PTCD1: variants seen among roughly 807,000 people sequenced by gnomAD.
PTCD1 encodes the protein pentatricopeptide repeat domain 1.
Under a neutral mutation model 53.4 loss-of-function variants are expected in PTCD1, and 50 were observed. The ratio of observed to expected loss-of-function variants is 0.94; its 90% CI spans 0.75 to 1.19. The LOEUF is 1.19. Among genes scored for constraint, PTCD1 ranks in the 50% most tolerant of loss-of-function variants. The pLI, the probability that PTCD1 is intolerant of heterozygous loss-of-function variation, is 0.00. For synonymous variants in PTCD1, 413 were observed against 394.8 expected, an observed-to-expected ratio of 1.05 and a Z score of -0.55; for missense variants, 918 against 904.8, an observed-to-expected ratio of 1.01 and a Z score of -0.19.
chr7:99,429,342 C>T, intron 4 of PTCD1, 138 bp from the exon 5 acceptor site: 2 of 1,215,910 alleles, frequency 1.6e-6, no homozygotes, highest in Non-Finnish European at 2.4e-6. Flanking sequence ...CCAGCCTGGG[C>T]AACATAGCAA....
intron 1 of PTCD1, among the ~76,000 whole-genome samples, chr7:99,437,088 A>G (rs1225939063): frequency 6.6e-6 from 1 of 151,850 alleles, no homozygotes; most frequent in East Asian, 1.9e-4. Flanking sequence ...CTGGTCTAGA[A>G]CTCCTGGCCT....
chr7:99,438,392 G>A (rs1303193739), intron 1 of PTCD1, among the ~76,000 whole-genome samples: 1 of 152,092 alleles, frequency 6.6e-6, no homozygotes, highest in East Asian at 1.9e-4. Context: ...GCTTGAGTCT[G>A]AGAAGTTGAC....
At chr7:99,421,621 G>A (rs1028106995) in intron 7 of PTCD1, among the ~76,000 whole-genome samples, 2 of 151,220 alleles carry the variant, frequency 1.3e-5, no homozygotes, top group Non-Finnish European at 2.9e-5. Context: ...CTGGTGTGGT[G>A]GCAGGCTCCT....
intron 1 of PTCD1, 28 bp downstream of exon 1, chr7:99,438,664 C>A: frequency 4.0e-6 from 5 of 1,247,580 alleles, no homozygotes; most frequent in Non-Finnish European, 4.1e-6. Context: ...GGTCCCGGGG[C>A]TCCTGCGAGG....
intron 7 of PTCD1, among the ~76,000 whole-genome samples, chr7:99,423,557 CAG>C (rs2150948343): frequency 6.6e-6 from 1 of 152,296 alleles, no homozygotes; most frequent in Non-Finnish European, 1.5e-5. Flanking sequence ...CTGGGACAGA[CAG>C]AGAAAGCAAA....
At chr7:99,428,009 T>C (rs11982726) in intron 5 of PTCD1, among the ~76,000 whole-genome samples, 28,920 of 149,464 alleles carry the variant, frequency 0.19, 4,967 homozygotes, top group African/African-American at 0.47. Context: ...CCAGAGACCT[T>C]TGTTCACTTG....
chr7:99,419,697 C>A lies in PTCD1; in HGVS notation c.*270G>T, dbSNP rs907346332. ...GGCCCCAGGGACCAGATGCCCCAGC[C>A]CCCTTGTGGTGTGTGAGGTGACACA... is the stretch of plus-strand genomic sequence containing the variant. On this transcript the variant is annotated 3_prime_UTR_variant, in exon 8 of 8. Transcript: ENST00000292478. 2.9e-6 allele frequency: 2 copies of A among 691,662 alleles called. No individual in the cohort carries two copies. Among genetic ancestry groups the A allele is most frequent in the African/African-American group, 3.6e-5 (2 of 55,570 alleles). 42.8% of individuals were successfully genotyped at this position (691,662 alleles called of 1,614,324 possible). A position where few individuals can be genotyped will look rare whatever the true frequency, so the allele number is the denominator to read the frequency against.
At chr7:99,424,681 T>C (rs1795949000) in intron 6 of PTCD1, 114 bp downstream of exon 6, 1 of 1,395,654 alleles carries the variant, frequency 7.2e-7, no homozygotes, top group Non-Finnish European at 9.8e-7. Context: ...CTTTGCCCCA[T>C]GCACAGTTCA....
In PTCD1 at chr7:99,416,794, C is replaced by G. The variant is rs1462317429; in HGVS notation, c.*3173G>C. ...GGAGTGCAGTGGTGCAATGATGGCTCACTGCAGCCTCAACCTTCTGGGCTC... is the reference window on the plus strand; with the variant it reads ...GGAGTGCAGTGGTGCAATGATGGCTGACTGCAGCCTCAACCTTCTGGGCTC... On this transcript the variant is annotated 3_prime_UTR_variant, in exon 8 of 8. Coordinates refer to ENST00000292478, the MANE Select transcript of PTCD1 (RefSeq NM_015545.4). The G allele has an allele frequency of 6.6e-6, 1 of 150,384 alleles. No homozygotes were observed. The highest frequency in any genetic ancestry group is 1.4e-5 in the Non-Finnish European group (1 of 70,908). The allele number at this position is 150,384 out of a possible 1,614,324, so 9.3% of individuals were successfully genotyped here.
rs974363900 is a variant in PTCD1, at chr7:99,425,282, T to C, written c.1250A>G (p.Lys417Arg). The C allele has an allele frequency of 9.3e-6, 15 of 1,613,822 alleles. No homozygotes were observed. In the African/African-American group the frequency reaches 2.0e-4, roughly 22 times the overall value. ...GGCTGCTGTGTGGCTGGGCTCTGCC[T>C]TAGTATCCACCTCTGGTTGGGCCTT... ...PGKAQPEVDTKAEPSHTAALT... is the reference protein window; with the variant it reads ...PGKAQPEVDTRAEPSHTAALT... Residue 417 changes from lysine (K) to arginine (R), a missense_variant, in exon 6 of 8, where the codon AAG becomes AGG. Physicochemically the swap from Lys to Arg is conservative, Grantham distance 26. Transcript: ENST00000292478.
chr7:99,427,339 G>A (rs1280745695), intron 5 of PTCD1, among the ~76,000 whole-genome samples: 11 of 145,570 alleles, frequency 7.6e-5, no homozygotes, highest in East Asian at 2.1e-4. Flanking sequence ...CAGCCGCCCC[G>A]TCCGGGAGGG....
intron 5 of PTCD1, among the ~76,000 whole-genome samples, chr7:99,428,900 G>A (rs1445403865): frequency 2.0e-5 from 3 of 151,804 alleles, no homozygotes; most frequent in Admixed American, 6.6e-5. Flanking sequence ...TGGGAGGGGC[G>A]GGGGCCACCC....
In PTCD1 at chr7:99,423,931, G is replaced by T. The variant is rs1289156986; in HGVS notation, c.1764C>A (p.His588Gln). 4.3e-6 allele frequency: 7 copies of T among 1,614,204 alleles called. No homozygotes were observed. Among genetic ancestry groups the T allele is most frequent in the East Asian group, 2.2e-5 (1 of 44,884 alleles). The change falls in exon 7 of 8, where the codon CAC becomes CAA. Residue 588 changes from histidine (H) to glutamine (Q), a missense_variant. His to Gln is a conservative substitution (Grantham distance 24). Coordinates refer to ENST00000292478, the MANE Select transcript of PTCD1 (RefSeq NM_015545.4). ...CCGCGTTGATGAGGGCACTGTAGATGTGAGTGTTGGGGGTCACCTGGGACT... is the reference window on the plus strand; with the variant it reads ...CCGCGTTGATGAGGGCACTGTAGATTTGAGTGTTGGGGGTCACCTGGGACT... ...MKKSQVTPNT[H>Q]IYSALINAAI... is the part of the protein sequence containing the mutation.
intron 7 of PTCD1, among the ~76,000 whole-genome samples, chr7:99,423,307 G>A (rs1663500994): frequency 6.6e-6 from 1 of 152,106 alleles, no homozygotes. Flanking sequence ...GCCTGATACA[G>A]GGAAGGCCAG....
In PTCD1 at chr7:99,424,977, C is replaced by T. The variant is rs774639475; in HGVS notation, c.1555G>A (p.Asp519Asn). The change falls in exon 6 of 8, where the codon GAC (aspartate) becomes AAC (asparagine). Residue 519 changes from aspartate to asparagine, a missense_variant. By Grantham distance (23) the Asp-to-Asn change is conservative (BLOSUM62 1). Coordinates refer to ENST00000292478, the MANE Select transcript of PTCD1 (RefSeq NM_015545.4). ...ACCAGCGTGTTAAAGAATGTCAGGT[C>T]GGCCTCTACCTGGTGCTCATCCAGG... ...ALLDEHQVEADLTFFNTLVRK... is the reference protein window; with the variant it reads ...ALLDEHQVEANLTFFNTLVRK... The T allele has an allele frequency of 1.3e-5, 21 of 1,614,102 alleles. No homozygotes were observed. The highest frequency in any genetic ancestry group is 1.7e-5 in the Admixed American group (1 of 60,014).
In PTCD1 at chr7:99,420,132, G is replaced by A. The variant is rs143018758; in HGVS notation, c.1938C>T (p.Thr646=). 3 of 1,614,184 alleles carry A rather than the reference G, an allele frequency of 1.9e-6. No individual in the cohort carries two copies. Among genetic ancestry groups the A allele is most frequent in the Non-Finnish European group, 2.5e-6 (3 of 1,180,034 alleles). The change falls in exon 8 of 8, where the codon ACC becomes ACT. Residue 646 remains threonine, a synonymous_variant. Coordinates refer to ENST00000292478, the MANE Select transcript of PTCD1 (RefSeq NM_015545.4). Reference sequence around the variant, plus strand: ...GGAAGCCGTCAATCTTCTCCAGGTAGGTGTTCTTCCCTTGGTACTAGAATT... The same window carrying A: ...GGAAGCCGTCAATCTTCTCCAGGTAAGTGTTCTTCCCTTGGTACTAGAATT... ...PTFDRYQGKN[T]YLEKIDGFRA... is the part of the protein sequence containing the mutation.
chr7:99,432,393 C>G (rs151083751), intron 3 of PTCD1, among the ~76,000 whole-genome samples: 9 of 152,300 alleles, frequency 5.9e-5, no homozygotes, highest in East Asian at 5.8e-4. Flanking sequence ...CTTTGATGCA[C>G]GAGATGTTGT....
Position 99,417,685 on chromosome 7 carries a change from T to C in PTCD1, c.*2282A>G. On this transcript the variant is annotated 3_prime_UTR_variant, in exon 8 of 8. Coordinates refer to ENST00000292478, the MANE Select transcript of PTCD1 (RefSeq NM_015545.4). The stretch of plus-strand genomic sequence containing the variant: ...GGGATCTTATGTTATTTGGTTGGGC[T>C]GGAATGTCGTTTTGTCCCTGGATGT... The C allele has an allele frequency of 6.4e-7, 1 of 1,564,216 alleles. No homozygotes were observed. The highest frequency in any genetic ancestry group is 8.6e-7 in the Non-Finnish European group (1 of 1,160,874).
rs1346464503 is a variant in PTCD1, at chr7:99,429,771, G to A, written c.630C>T (p.Thr210=). ...KKRDLEPSDA[T]YTALFNVCAE... ...CACAGACGTTGAACAGGGCCGTGTA[G>A]GTGGCGTCCGAGGGCTCCAGGTCCC... The change falls in exon 4 of 8, where the codon ACC becomes ACT. Residue 210 remains threonine (T), a synonymous_variant. Transcript: ENST00000292478. The A allele has an allele frequency of 1.9e-6, 3 of 1,614,230 alleles. No individual in the cohort carries two copies. Among genetic ancestry groups the A allele is most frequent in the Admixed American group, 1.7e-5 (1 of 60,022 alleles).
Sources: gnomAD v4.1 joint callset for allele counts (sites outside exome capture counted in the v4.1 genomes callset) on GRCh38, gnomAD v4.1.1 for gene constraint, MANE v1.5 for transcripts, NCBI Gene and HGNC (gene_info 2026-07-23, HGNC 2026-07-21) for gene names.